Variants in MTOR observed in about 807,000 individuals in gnomAD.
MTOR encodes the protein mechanistic target of rapamycin kinase.
MTOR carries 70 observed loss-of-function variants against 319.8 expected under a neutral mutation model. That is an observed-to-expected ratio of 0.22 (90% CI 0.18 to 0.27). MTOR has a LOEUF of 0.27. Among genes scored for constraint, MTOR ranks in the 10% least tolerant of loss-of-function variants. The pLI is 1.00. For missense variants in MTOR, 1,890 were observed against 3,274.4 expected (o/e 0.58, Z 10.32); for synonymous variants, 1,183 against 1,211.4 (o/e 0.98, Z 0.49).
At chr1:11,251,655 C>CTTTTTTTTTTTTT (rs761523542) in intron 6 of MTOR, among the ~76,000 whole-genome samples, 8 of 113,688 alleles carry the variant, frequency 7.0e-5, no homozygotes, top group African/African-American at 2.2e-4. Flanking sequence ...TAGATAGTTT[C>CTTTTTTTTTTTTT]TTTTTTTTTT....
At chr1:11,172,030 C>CA (rs1314310546) in intron 28 of MTOR, among the ~76,000 whole-genome samples, 3,398 of 84,610 alleles carry the variant, frequency 0.04, 59 homozygotes, top group Middle Eastern at 0.14. Flanking sequence ...AACTCCATCT[C>CA]AAAAAAAAAA....
At chr1:11,182,089 T>C (rs2100670035) in intron 28 of MTOR, among the ~76,000 whole-genome samples, 1 of 152,034 alleles carries the variant, frequency 6.6e-6, no homozygotes, top group Non-Finnish European at 1.5e-5. Context: ...TGGCAGTGCA[T>C]GACTGTAATC....
At position 11,121,434 on chromosome 1, in the gene MTOR, A is replaced by G; in HGVS notation, c.6811-66T>C. On this transcript the variant is annotated intron_variant, in intron 48 of 57. Transcript: ENST00000361445. The surrounding 1 kb of genome is among the most constrained non-coding windows in gnomAD (Gnocchi z 4.9). ...GACATGTAGTTTGGGTCCAGGAAGA[A>G]ACAAGGCTTGGGGTCCAGGCAGAGC... 1 of 1,599,054 alleles carries G rather than the reference A, an allele frequency of 6.3e-7. No individual in the cohort carries two copies. The highest frequency in any genetic ancestry group is 1.7e-5 in the Admixed American group (1 of 59,346).
At chr1:11,200,887 G>C (rs1234808804) in intron 26 of MTOR, among the ~76,000 whole-genome samples, 2 of 151,794 alleles carry the variant, frequency 1.3e-5, no homozygotes, top group African/African-American at 2.4e-5. Flanking sequence ...CGGTGGTGGT[G>C]GCCTGTAGTC....
Position 11,108,255 on chromosome 1 carries a change from A to G in MTOR, c.7560T>C (p.Asp2520=), listed in dbSNP as rs1317053902. The change falls in exon 57 of 58, where the codon GAT becomes GAC. Residue 2520 remains aspartate (D), a synonymous_variant. Coordinates refer to ENST00000361445, the MANE Select transcript of MTOR (RefSeq NM_004958.4). The part of the protein sequence containing the change: ...GRDFSHDDTL[D]VPTQVELLIK... The stretch of plus-strand genomic sequence containing the variant: ...TGAGCAGCTCAACTTGCGTTGGAAC[A>G]TCCAAAGTGTCATCATGAGAGAAGT... The G allele has an allele frequency of 5.6e-6, 9 of 1,614,008 alleles. No homozygotes were observed. Among genetic ancestry groups the G allele is most frequent in the Admixed American group, 1.7e-5 (1 of 60,028 alleles).
At chr1:11,216,270 G>A (rs1646466243) in intron 19 of MTOR, 36 bp from the exon 20 acceptor site, 1 of 1,525,878 alleles carries the variant, frequency 6.6e-7, no homozygotes, top group Non-Finnish European at 9.1e-7. Context: ...CTGGTATCAT[G>A]AAGGACATTG....
intron 53 of MTOR, among the ~76,000 whole-genome samples, chr1:11,113,223 A>C (rs1641987173): frequency 6.6e-6 from 1 of 152,212 alleles, no homozygotes; most frequent in African/African-American, 2.4e-5. Flanking sequence ...GTGGCAGAAC[A>C]AAGGGTAGAT....
intron 28 of MTOR, among the ~76,000 whole-genome samples, chr1:11,173,993 T>C (rs776043945): frequency 1.3e-5 from 2 of 152,324 alleles, no homozygotes; most frequent in South Asian, 4.1e-4. Context: ...ATTGTTTCTA[T>C]GTATTATTTC....
rs769184043 is a variant in MTOR, at chr1:11,130,627, T to TGGCAGTGGCGGCCGTGGTGGC, written c.5494_5514dup (p.Ala1832_Ala1838dup). ...CTGCCCTCGGTGCTGGCAGTGGTGGTGGCAGTGGCGGCCGTGGTGGCGGCA... is the reference window on the plus strand; with the variant it reads ...CTGCCCTCGGTGCTGGCAGTGGTGGTGGCAGTGGCGGCCGTGGTGGCGGCAGTGGCGGCCGTGGTGGCGGCA... On this transcript the variant is annotated inframe_insertion, in exon 39 of 58. Coordinates refer to ENST00000361445, the MANE Select transcript of MTOR (RefSeq NM_004958.4). The TGGCAGTGGCGGCCGTGGTGGC allele has an allele frequency of 6.2e-6, 10 of 1,613,958 alleles. No homozygotes were observed. The highest frequency in any genetic ancestry group is 1.6e-4 in the Middle Eastern group (1 of 6,062).
chr1:11,179,749 T>C (rs1299582735), intron 28 of MTOR, among the ~76,000 whole-genome samples: 1 of 151,968 alleles, frequency 6.6e-6, no homozygotes, highest in Non-Finnish European at 1.5e-5. Context: ...AATCTAAAAG[T>C]GCATTTGAAA....
At chr1:11,170,531 C>A (rs1644779534) in intron 28 of MTOR, among the ~76,000 whole-genome samples, 1 of 151,514 alleles carries the variant, frequency 6.6e-6, no homozygotes, top group African/African-American at 2.4e-5. Context: ...GCCTGGGCAA[C>A]ACAGTGAGAC....
intron 29 of MTOR, among the ~76,000 whole-genome samples, chr1:11,164,423 A>G (rs1644577962): frequency 6.6e-6 from 1 of 152,020 alleles, no homozygotes; most frequent in Admixed American, 6.6e-5. Context: ...ATCACCACCG[A>G]TCCCACAGAA....
rs1425455845 is a variant in MTOR at position 11,142,275 on chromosome 1, G to A, written c.4872+2373C>T. Among the ~76,000 whole-genome samples the A allele has an allele frequency of 2.0e-5, 3 of 151,956 alleles. 1 individual carries two copies. Among genetic ancestry groups the A allele is most frequent in the Non-Finnish European group, 2.9e-5 (2 of 67,960 alleles). ...CATGCCTGTAATCCCAGAACTTTGG[G>A]AGCAGAAGCAGGCAGAACTCCTTTT... is the stretch of plus-strand genomic sequence containing the variant. On this transcript the variant is annotated intron_variant, in intron 34 of 57. Coordinates refer to ENST00000361445, the MANE Select transcript of MTOR (RefSeq NM_004958.4).
chr1:11,170,831 C>T (rs935132514), intron 28 of MTOR, among the ~76,000 whole-genome samples: 4 of 150,382 alleles, frequency 2.7e-5, no homozygotes, highest in African/African-American at 9.8e-5. Context: ...GGATTACAGG[C>T]GCACACCACC....
rs2100478901 is a variant in MTOR, at chr1:11,139,572, C to A, written c.4959G>T (p.Trp1653Cys). 2 of 1,614,176 alleles carry A rather than the reference C, an allele frequency of 1.2e-6. No homozygotes were observed. Among genetic ancestry groups the A allele is most frequent in the Non-Finnish European group, 1.7e-6 (2 of 1,180,032 alleles). The stretch of plus-strand genomic sequence containing the variant: ...TGCCGCACAGGCTTGCATACTTGAG[C>A]CAGGTTCTCATGTCTTCATGAGGGC... ...VVSPHEDMRT[W>C]LKYASLCGKS... Residue 1653 changes from tryptophan (W) to cysteine (C), a missense_variant, in exon 35 of 58, where the codon TGG becomes TGT. Transcript: ENST00000361445.
chr1:11,141,862 G>A lies in MTOR; in HGVS notation c.4873-2204C>T, dbSNP rs181731357. ...ATAATAAAAAAAAAATTAGCCAGGCGTGGTGGTGGGCGCCTGTAGTCCCAG... is the reference window on the plus strand; with the variant it reads ...ATAATAAAAAAAAAATTAGCCAGGCATGGTGGTGGGCGCCTGTAGTCCCAG... On this transcript the variant is annotated intron_variant, in intron 34 of 57. Transcript: ENST00000361445. Among the ~76,000 whole-genome samples, 258 of 150,738 alleles carry A rather than the reference G, an allele frequency of 1.7e-3. 2 individuals carry two copies. Among genetic ancestry groups the A allele is most frequent in the African/African-American group, 5.9e-3 (244 of 41,356 alleles).
chr1:11,231,835 C>T (rs1647026901), intron 16 of MTOR, among the ~76,000 whole-genome samples: 1 of 152,148 alleles, frequency 6.6e-6, no homozygotes, highest in Non-Finnish European at 1.5e-5. Flanking sequence ...GAGTGATCTT[C>T]CCATCTTAGC....
chr1:11,192,187 A>C (rs940309631), intron 28 of MTOR: 23 of 1,019,150 alleles, frequency 2.3e-5, no homozygotes, highest in Non-Finnish European at 3.2e-5. Context: ...CCCAGGGTAG[A>C]AATAAAGGCT....
intron 26 of MTOR, among the ~76,000 whole-genome samples, chr1:11,202,443 A>G (rs887605954): frequency 7.2e-6 from 1 of 139,094 alleles, no homozygotes; most frequent in Non-Finnish European, 1.6e-5. Flanking sequence ...AAAAAAAAAG[A>G]TTTACTATTT....
Sources: allele counts gnomAD v4.1 joint callset (sites outside exome capture counted in the v4.1 genomes callset), GRCh38; gene constraint gnomAD v4.1.1; non-coding constraint Gnocchi (gnomAD v3.1); transcripts MANE v1.5; gene names NCBI Gene and HGNC (gene_info 2026-07-23, HGNC 2026-07-21).